Variants in C12orf56 observed in about 807,000 individuals in gnomAD.
The protein encoded by C12orf56 is uncharacterized protein C12orf56.
Under a neutral mutation model 69.9 loss-of-function variants are expected in C12orf56, and 71 were observed. The ratio of observed to expected loss-of-function variants is 1.02; its 90% CI spans 0.84 to 1.24. The LOEUF is 1.24. Among genes scored for constraint, C12orf56 ranks in the 50% most tolerant of loss-of-function variants. C12orf56 has a pLI of 0.00. For synonymous variants in C12orf56, 276 were observed against 274.1 expected (o/e 1.01, Z -0.07); for missense variants, 732 against 738.5 (o/e 0.99, Z 0.10).
chr12:64,266,488 G>T lies in C12orf56; in HGVS notation c.*695C>A. 1 of 266,302 alleles carries T rather than the reference G, an allele frequency of 3.8e-6. No homozygotes were observed. The highest frequency in any genetic ancestry group is 7.7e-5 in the South Asian group (1 of 12,924). The allele number at this position is 266,302 out of a possible 1,614,324, so 16.5% of individuals were successfully genotyped here. ...CTACCTGGAGGCGTGGCTGGCGGAT[G>T]AGATCTTGAGTGAGTGACCTTAGGC... On this transcript the variant is annotated 3_prime_UTR_variant, in exon 13 of 13. Coordinates refer to ENST00000543942, the MANE Select transcript of C12orf56 (RefSeq NM_001170633.2).
At chr12:64,380,104 C>CAAAAAA (rs60079906) in intron 1 of C12orf56, among the ~76,000 whole-genome samples, 169 of 49,974 alleles carry the variant, frequency 3.4e-3, no homozygotes, top group East Asian at 0.013. Context: ...GACTCCGTCG[C>CAAAAAA]AAAAAAAAAA....
At chr12:64,306,383 C>T (rs1360473656) in intron 5 of C12orf56, among the ~76,000 whole-genome samples, 3 of 149,094 alleles carry the variant, frequency 2.0e-5, no homozygotes, top group Non-Finnish European at 3.0e-5. Context: ...AAGTAGAAAA[C>T]ATAAATTCAG....
chr12:64,281,456 C>G (rs1411422920), intron 8 of C12orf56, among the ~76,000 whole-genome samples: 1 of 151,946 alleles, frequency 6.6e-6, no homozygotes, highest in Admixed American at 6.6e-5. Context: ...CCTGTATCCC[C>G]AGCTACTTGA....
At chr12:64,381,925 G>T (rs2039723438) in intron 1 of C12orf56, among the ~76,000 whole-genome samples, 1 of 152,104 alleles carries the variant, frequency 6.6e-6, no homozygotes, top group Non-Finnish European at 1.5e-5. Context: ...TTGTGTTTTT[G>T]AACACATTGA....
intron 1 of C12orf56, among the ~76,000 whole-genome samples, chr12:64,374,915 A>G (rs1019654768): frequency 8.9e-4 from 136 of 152,298 alleles, no homozygotes; most frequent in African/African-American, 3.2e-3. Flanking sequence ...TGGTGCAAAC[A>G]TAATTGCGGT....
intron 1 of C12orf56, among the ~76,000 whole-genome samples, chr12:64,387,379 CA>C (rs1367725081): frequency 1.3e-5 from 2 of 152,184 alleles, no homozygotes; most frequent in African/African-American, 4.8e-5. Context: ...CATTTATAGC[CA>C]TTACACATTC....
chr12:64,358,280 T>A (rs10784406), intron 1 of C12orf56, among the ~76,000 whole-genome samples: 133,011 of 151,552 alleles, frequency 0.88, 58,775 homozygotes, highest in Middle Eastern at 0.94. Flanking sequence ...CAACATGGTG[T>A]AACTCCGTCT....
At chr12:64,308,342 CATACATAA>C (rs2038543678) in intron 5 of C12orf56, among the ~76,000 whole-genome samples, 1 of 152,068 alleles carries the variant, frequency 6.6e-6, no homozygotes, top group South Asian at 2.1e-4. Flanking sequence ...TACATACATA[CATACATAA>C]ATACATAAAT....
intron 5 of C12orf56, among the ~76,000 whole-genome samples, chr12:64,308,580 T>C (rs1401471527): frequency 2.0e-5 from 3 of 150,902 alleles, no homozygotes; most frequent in Non-Finnish European, 4.4e-5. Context: ...CGGTGGCTCA[T>C]GTCTGTAATC....
intron 11 of C12orf56, among the ~76,000 whole-genome samples, chr12:64,272,151 G>A (rs2037997852): frequency 6.6e-6 from 1 of 152,100 alleles, no homozygotes; most frequent in Admixed American, 6.6e-5. Flanking sequence ...GAGCCCAGGA[G>A]TTTGAGACCA....
chr12:64,384,058 C>T (rs187778272), intron 1 of C12orf56, among the ~76,000 whole-genome samples: 8 of 152,310 alleles, frequency 5.3e-5, no homozygotes, highest in Admixed American at 2.0e-4. Context: ...AAATGTATCA[C>T]ATGAATGATC....
At chr12:64,287,029 G>A (rs2038212062) in intron 6 of C12orf56, among the ~76,000 whole-genome samples, 1 of 152,056 alleles carries the variant, frequency 6.6e-6, no homozygotes, top group African/African-American at 2.4e-5. Flanking sequence ...TTGAGGTCAG[G>A]AGTTCGAAAT....
intron 8 of C12orf56, among the ~76,000 whole-genome samples, chr12:64,283,175 A>C (rs1230753454): frequency 6.6e-6 from 1 of 151,138 alleles, no homozygotes; most frequent in Non-Finnish European, 1.5e-5. Context: ...AAAGAAAAAT[A>C]AATATTAATT....
At chr12:64,279,375 C>A (rs2038095184) in intron 8 of C12orf56, among the ~76,000 whole-genome samples, 1 of 152,166 alleles carries the variant, frequency 6.6e-6, no homozygotes, top group East Asian at 1.9e-4. Flanking sequence ...GGTAGTATAA[C>A]CCCTGTATGG....
intron 2 of C12orf56, among the ~76,000 whole-genome samples, chr12:64,349,276 G>T (rs2039189868): frequency 6.6e-6 from 1 of 152,138 alleles, no homozygotes; most frequent in African/African-American, 2.4e-5. Flanking sequence ...AAATGCTCAA[G>T]ATCACTAATG....
chr12:64,266,729 C>A lies in C12orf56; in HGVS notation c.*454G>T. 1 of 388,020 alleles carries A rather than the reference C, an allele frequency of 2.6e-6. No homozygotes were observed. Among genetic ancestry groups the A allele is most frequent in the Non-Finnish European group, 4.7e-6 (1 of 214,670 alleles). The allele number at this position is 388,020 out of a possible 1,614,324, so 24.0% of individuals were successfully genotyped here. ...AACACCTTGAGAAGAACTTGAATGCCCATGCCTCAGGCCCCCACACTCCCC... is the reference window on the plus strand; with the variant it reads ...AACACCTTGAGAAGAACTTGAATGCACATGCCTCAGGCCCCCACACTCCCC... On this transcript the variant is annotated 3_prime_UTR_variant, in exon 13 of 13. Transcript: ENST00000543942.
At chr12:64,326,921 A>T (rs1024818493) in intron 3 of C12orf56, among the ~76,000 whole-genome samples, 3 of 152,224 alleles carry the variant, frequency 2.0e-5, no homozygotes, top group African/African-American at 7.2e-5. Context: ...GACCTTTAAG[A>T]GGTGACTGGG....
intron 5 of C12orf56, among the ~76,000 whole-genome samples, chr12:64,311,100 T>G (rs1592442074): frequency 6.6e-6 from 1 of 152,276 alleles, no homozygotes; most frequent in East Asian, 1.9e-4. Context: ...TGCCACATTT[T>G]CTTAATCCAG....
At chr12:64,333,109 T>G (rs186213835) in intron 2 of C12orf56, among the ~76,000 whole-genome samples, 2 of 152,322 alleles carry the variant, frequency 1.3e-5, no homozygotes, top group Non-Finnish European at 2.9e-5. Context: ...TTATGACTCA[T>G]CAATCAGACA....
Sources: allele counts gnomAD v4.1 joint callset (sites outside exome capture counted in the v4.1 genomes callset), GRCh38; gene constraint gnomAD v4.1.1; transcripts MANE v1.5; gene names NCBI Gene and HGNC (gene_info 2026-07-23, HGNC 2026-07-21).